NPAS3: variants seen among roughly 807,000 people sequenced by gnomAD.
NPAS3 encodes the protein neuronal PAS domain-containing protein 3.
NPAS3 carries 14 observed loss-of-function variants against 73.1 expected under a neutral mutation model. The ratio of observed to expected loss-of-function variants is 0.19; its 90% CI spans 0.13 to 0.30. The LOEUF is 0.30. Among genes scored for constraint, NPAS3 ranks in the 10% least tolerant of loss-of-function variants. The pLI is 1.00. For synonymous variants in NPAS3, 620 were observed against 541.5 expected (o/e 1.14, Z -2.01); for missense variants, 1,096 against 1,250.0 (o/e 0.88, Z 1.86).
chr14:33,201,948 A>G lies in NPAS3; in HGVS notation c.141-13234A>G, dbSNP rs542204741. ...TCCGGAAATTCAGTGCTGACTTTCA[A>G]TTAAGATAACTGAAACTTTTCAGTT... is the stretch of plus-strand genomic sequence containing the variant. On this transcript the variant is annotated intron_variant, in intron 2 of 11. Coordinates refer to ENST00000356141, the Ensembl canonical transcript of NPAS3. 6.6e-5 allele frequency among the ~76,000 whole-genome samples: 10 copies of G among 152,356 alleles called. No individual in the cohort carries two copies. The South Asian group carries it at 1.0e-3, about 16-fold the overall frequency.
chr14:33,215,367 AGGG>A, exon 3 of NPAS3: 7 of 1,613,430 alleles, frequency 4.3e-6, no homozygotes, highest in Non-Finnish European at 5.9e-6. Flanking sequence ...TTTGCTAACC[AGGG>A]GGACCCTCCG....
intron 1 of NPAS3, among the ~76,000 whole-genome samples, chr14:33,046,115 A>AAAGTCACG (rs775044833): frequency 5.9e-5 from 9 of 152,218 alleles, no homozygotes; most frequent in Middle Eastern, 6.3e-3. Context: ...AGGTCAAGTA[A>AAAGTCACG]AAGTCACGAG....
intron 2 of NPAS3, among the ~76,000 whole-genome samples, chr14:33,097,411 TC>T (rs1288390332): frequency 6.6e-6 from 1 of 152,256 alleles, no homozygotes; most frequent in East Asian, 1.9e-4. Context: ...GCATAGTGTT[TC>T]ATTTTGAGAA....
intron 3 of NPAS3, among the ~76,000 whole-genome samples, chr14:33,248,944 A>G (rs997828037): frequency 3.3e-5 from 5 of 152,070 alleles, no homozygotes; most frequent in African/African-American, 1.2e-4. Context: ...TCTTCATGTT[A>G]TTCTTTGACT....
chr14:33,769,752 T>TTTCC (rs1566519936), intron 7 of NPAS3, among the ~76,000 whole-genome samples: 11 of 90,236 alleles, frequency 1.2e-4, no homozygotes, highest in Admixed American at 2.4e-4. Flanking sequence ...TGGATTTTTT[T>TTTCC]TTTCTTTTTT....
intron 9 of NPAS3, among the ~76,000 whole-genome samples, chr14:33,782,253 T>C (rs574469428): frequency 3.5e-4 from 53 of 152,334 alleles, no homozygotes; most frequent in African/African-American, 1.2e-3. Context: ...CAGTTCTCCA[T>C]TGCTCAGGAG....
chr14:33,616,969 C>T (rs1567057945), intron 5 of NPAS3, among the ~76,000 whole-genome samples: 1 of 152,160 alleles, frequency 6.6e-6, no homozygotes. Flanking sequence ...ACCAGCTGTG[C>T]CAGCAACACT....
At chr14:33,036,403 T>G (rs1305864124) in intron 1 of NPAS3, among the ~76,000 whole-genome samples, 1 of 152,108 alleles carries the variant, frequency 6.6e-6, no homozygotes, top group African/African-American at 2.4e-5. Flanking sequence ...TAGCACTGTT[T>G]GGAGCCCTGT....
intron 4 of NPAS3, among the ~76,000 whole-genome samples, chr14:33,518,663 TCCTCC>T (rs2053420923): frequency 1.4e-5 from 2 of 145,738 alleles, no homozygotes; most frequent in Non-Finnish European, 3.0e-5. Flanking sequence ...CTGGAATACA[TCCTCC>T]TTCCTCCACC....
rs1236766783 is a variant in NPAS3, at chr14:33,051,280, C to CA, written c.51-4608dup. ...TGGGCAACAGAGCGAGACTCCGTCT[C>CA]AAAAAAAAAAAAAAAAAGAGAGACT... is the stretch of plus-strand genomic sequence containing the variant. On this transcript the variant is annotated intron_variant, in intron 1 of 11. Transcript: ENST00000356141. 5.5e-3 allele frequency among the ~76,000 whole-genome samples: 351 copies of CA among 64,192 alleles called. 9 individuals are homozygous for CA. The highest frequency in any genetic ancestry group is 0.029 in the Middle Eastern group (3 of 104). 42.1% of individuals were successfully genotyped at this position (64,192 alleles called of 152,430 possible).
intron 4 of NPAS3, among the ~76,000 whole-genome samples, chr14:33,544,518 C>G (rs532040335): frequency 1.0e-3 from 158 of 151,692 alleles, no homozygotes; most frequent in African/African-American, 3.6e-3. Context: ...AGAGAGCGCT[C>G]TCACTATGTC....
chr14:33,447,452 C>T (rs886309931), intron 4 of NPAS3, among the ~76,000 whole-genome samples: 1 of 152,032 alleles, frequency 6.6e-6, no homozygotes, highest in Non-Finnish European at 1.5e-5. Flanking sequence ...TGATATTGGA[C>T]CTCAAATGGT....
intron 2 of NPAS3, among the ~76,000 whole-genome samples, chr14:33,079,168 T>C (rs1265165084): frequency 6.6e-6 from 1 of 152,162 alleles, no homozygotes; most frequent in Non-Finnish European, 1.5e-5. Flanking sequence ...CATTTTTCAT[T>C]GAAGGGAGAA....
intron 7 of NPAS3, among the ~76,000 whole-genome samples, chr14:33,765,642 T>A (rs1180561457): frequency 6.6e-6 from 1 of 152,250 alleles, no homozygotes; most frequent in Non-Finnish European, 1.5e-5. Flanking sequence ...CAAGTTATGT[T>A]CTACAGAGTA....
intron 4 of NPAS3, among the ~76,000 whole-genome samples, chr14:33,460,249 G>A (rs1174341602): frequency 6.6e-6 from 1 of 152,072 alleles, no homozygotes; most frequent in African/African-American, 2.4e-5. Flanking sequence ...CTATTATGTT[G>A]GAGTACAACC....
intron 2 of NPAS3, among the ~76,000 whole-genome samples, chr14:33,128,248 T>C (rs2043502857): frequency 6.6e-6 from 1 of 152,136 alleles, no homozygotes; most frequent in African/African-American, 2.4e-5. Flanking sequence ...TAATAAGTAA[T>C]CAAATTGGTT....
At chr14:33,127,963 T>C (rs2043490070) in intron 2 of NPAS3, among the ~76,000 whole-genome samples, 1 of 152,186 alleles carries the variant, frequency 6.6e-6, no homozygotes, top group Non-Finnish European at 1.5e-5. Flanking sequence ...CAAGGAAATA[T>C]TTGGCCTCGA....
At chr14:33,575,624 T>G (rs2056403507) in intron 5 of NPAS3, among the ~76,000 whole-genome samples, 1 of 152,236 alleles carries the variant, frequency 6.6e-6, no homozygotes, top group Non-Finnish European at 1.5e-5. Context: ...CAGTGAGCTC[T>G]TGGTAAGAGA....
At chr14:33,558,308 T>TG (rs1401356768) in intron 4 of NPAS3, among the ~76,000 whole-genome samples, 1 of 152,114 alleles carries the variant, frequency 6.6e-6, no homozygotes, top group Admixed American at 6.5e-5. Context: ...TTGTCCAGGC[T>TG]GGAGTACAGT....
Sources: gnomAD v4.1 joint callset for allele counts (sites outside exome capture counted in the v4.1 genomes callset) on GRCh38, gnomAD v4.1.1 for gene constraint, MANE v1.5 for transcripts, NCBI Gene and HGNC (gene_info 2026-07-23, HGNC 2026-07-21) for gene names.